Variants in PPP2R3B observed in about 807,000 individuals in gnomAD.
PPP2R3B encodes protein phosphatase 2 regulatory subunit B''beta, also known as serine/threonine-protein phosphatase 2A regulatory subunit B'' subunit beta.
Under a neutral mutation model 72.9 loss-of-function variants are expected in PPP2R3B, and 68 were observed. The observed-to-expected ratio is 0.93, with a 90% CI of 0.77 to 1.14. The LOEUF is 1.14. Among genes scored for constraint, PPP2R3B ranks in the 50% most tolerant of loss-of-function variants. The pLI, the probability that PPP2R3B is intolerant of heterozygous loss-of-function variation, is 0.00. For synonymous variants in PPP2R3B, 466 were observed against 375.8 expected (o/e 1.24, Z -2.78); for missense variants, 1,018 against 842.0 (o/e 1.21, Z -2.59).
At chrX:350,092 C>T (rs770001759) in intron 2 of PPP2R3B, among the ~76,000 whole-genome samples, 27 of 152,306 alleles carry the variant, frequency 1.8e-4, no homozygotes, top group Non-Finnish European at 2.9e-4. Flanking sequence ...TCCCACTGCC[C>T]GGTTTCAACC....
Position 370,048 on chromosome X carries a change from C to T in PPP2R3B, c.325-8458G>A, listed in dbSNP as rs1294170108. On this transcript the variant is annotated intron_variant, in intron 1 of 12. Transcript: ENST00000390665. Reference sequence around the variant, plus strand: ...ATTCTTCTCGGCCCAGCACTTGACTCCCAGGGACCCTCTGAGAGGGCTGGT... The same window carrying T: ...ATTCTTCTCGGCCCAGCACTTGACTTCCAGGGACCCTCTGAGAGGGCTGGT... Among the ~76,000 whole-genome samples the T allele has an allele frequency of 2.0e-5, 3 of 152,290 alleles. No homozygotes were observed. The East Asian group carries it at 5.8e-4, about 29-fold the overall frequency.
intron 1 of PPP2R3B, among the ~76,000 whole-genome samples, chrX:368,035 C>T (rs76354719): frequency 0.22 from 33,403 of 152,152 alleles, 4,012 homozygotes; most frequent in Non-Finnish European, 0.28. Flanking sequence ...AACGCAGCCT[C>T]GGCACTGATC....
At chrX:348,444 CG>C (rs1185015489) in intron 2 of PPP2R3B, among the ~76,000 whole-genome samples, 1 of 151,784 alleles carries the variant, frequency 6.6e-6, no homozygotes, top group Non-Finnish European at 1.5e-5. Flanking sequence ...GGCATGGTGG[CG>C]GGCGCCTGTA....
intron 2 of PPP2R3B, among the ~76,000 whole-genome samples, chrX:357,537 G>A (rs941590217): frequency 6.6e-6 from 1 of 152,176 alleles, no homozygotes; most frequent in Non-Finnish European, 1.5e-5. Context: ...AAAGGAACCG[G>A]AAATAAATGA....
chrX:370,949 C>G (rs1420600611), intron 1 of PPP2R3B, among the ~76,000 whole-genome samples: 1 of 152,124 alleles, frequency 6.6e-6, no homozygotes, highest in East Asian at 1.9e-4. Context: ...CGTGGGGACG[C>G]CGGACAGTGT....
chrX:344,434 G>C (rs1350013697), intron 7 of PPP2R3B, among the ~76,000 whole-genome samples: 2 of 152,248 alleles, frequency 1.3e-5, no homozygotes, highest in Non-Finnish European at 2.9e-5. Context: ...CGGTGTCCCT[G>C]GGACGCACGA....
At chrX:364,527 AAAAAAAACAG>A (rs1192300009) in intron 1 of PPP2R3B, among the ~76,000 whole-genome samples, 16 of 151,276 alleles carry the variant, frequency 1.1e-4, no homozygotes, top group Non-Finnish European at 2.1e-4. Flanking sequence ...AAAACAAAAA[AAAAAAAACAG>A]AAAACAAAAA....
intron 1 of PPP2R3B, among the ~76,000 whole-genome samples, chrX:381,353 A>T (rs2072119936): frequency 6.6e-6 from 1 of 152,122 alleles, no homozygotes; most frequent in Non-Finnish European, 1.5e-5. Flanking sequence ...AACGTAAAAC[A>T]ATGCCGTTCC....
chrX:380,679 G>A (rs2072103205), intron 1 of PPP2R3B, among the ~76,000 whole-genome samples: 1 of 151,580 alleles, frequency 6.6e-6, no homozygotes, highest in Admixed American at 6.6e-5. Context: ...CAGCTACTCG[G>A]GAGGCTGAGG....
rs1227473715 is a variant in PPP2R3B, at chrX:367,812, AG to A, written c.325-6223del. On this transcript the variant is annotated intron_variant, in intron 1 of 12. Coordinates refer to ENST00000390665, the MANE Select transcript of PPP2R3B (RefSeq NM_013239.5). ...GAGACACAGAGGACAGAAAGACAGGAGATATATGTGACTTAAGGACCCAGAG... is the reference window on the plus strand; with the variant it reads ...GAGACACAGAGGACAGAAAGACAGGAATATATGTGACTTAAGGACCCAGAG... Among the ~76,000 whole-genome samples the A allele has an allele frequency of 5.3e-3, 807 of 152,298 alleles. 11 individuals are homozygous for A. Among genetic ancestry groups the A allele is most frequent in the African/African-American group, 0.019 (771 of 41,558 alleles).
chrX:349,051 A>AATG (rs111939985), intron 2 of PPP2R3B, among the ~76,000 whole-genome samples: 5,404 of 152,166 alleles, frequency 0.036, 349 homozygotes, highest in African/African-American at 0.12. Context: ...TAATAATAAT[A>AATG]ATAGACCAGG....
chrX:386,814 G>C lies in PPP2R3B; in HGVS notation c.-123C>G. On this transcript the variant is annotated 5_prime_UTR_variant, in exon 1 of 13. Transcript: ENST00000390665. ...GCCCGCTGAGGGGGCGCGGCGCAGG[G>C]AACAGGGCCCGCGCCTCGGGAACTG... 1 of 480,030 alleles carries C rather than the reference G, an allele frequency of 2.1e-6. No individual in the cohort carries two copies. Among genetic ancestry groups the C allele is most frequent in the Non-Finnish European group, 3.0e-6 (1 of 337,462 alleles). The allele number at this position is 480,030 out of a possible 1,614,324, so 29.7% of individuals were successfully genotyped here.
chrX:366,470 G>T (rs868357690), intron 1 of PPP2R3B, among the ~76,000 whole-genome samples: 455 of 2,832 alleles, frequency 0.16, 8 homozygotes, highest in African/African-American at 0.22. Context: ...GAGGCGGAGG[G>T]TGCAGTGAGC....
At chrX:364,326 C>A (rs1318604649) in intron 1 of PPP2R3B, among the ~76,000 whole-genome samples, 3 of 151,924 alleles carry the variant, frequency 2.0e-5, no homozygotes, top group South Asian at 2.1e-4. Flanking sequence ...ACGGCTACAG[C>A]CGACTCTCCT....
chrX:384,373 A>T (rs1437782105), intron 1 of PPP2R3B, among the ~76,000 whole-genome samples: 3 of 150,444 alleles, frequency 2.0e-5, no homozygotes, highest in Non-Finnish European at 4.4e-5. Context: ...CTCAGCTCAC[A>T]GTAATCTCCG....
At chrX:380,538 C>T (rs1447838992) in intron 1 of PPP2R3B, among the ~76,000 whole-genome samples, 1 of 152,138 alleles carries the variant, frequency 6.6e-6, no homozygotes, top group East Asian at 1.9e-4. Context: ...GTCATCCCAG[C>T]ACTCTGGGAG....
rs1291661586 is a variant in PPP2R3B, at chrX:342,345, AGGCGGGAGTGAGACCTCAGCAACGG to A, written c.1037-439_1037-415del. 6 of 197,744 alleles carry A rather than the reference AGGCGGGAGTGAGACCTCAGCAACGG, an allele frequency of 3.0e-5. No homozygotes were observed. The East Asian group carries it at 7.3e-4, about 24-fold the overall frequency. 12.2% of individuals were successfully genotyped at this position (197,744 alleles called of 1,614,324 possible). On this transcript the variant is annotated intron_variant, in intron 7 of 12. Coordinates refer to ENST00000390665, the MANE Select transcript of PPP2R3B (RefSeq NM_013239.5). ...GCGGGAGTGAGACCTCAGCAACGGGAGGCGGGAGTGAGACCTCAGCAACGGGAGGCGGGAGTGAGACCTCAGCAAC... is the reference window on the plus strand; with the variant it reads ...GCGGGAGTGAGACCTCAGCAACGGGAGAGGCGGGAGTGAGACCTCAGCAAC...
At chrX:344,186 G>C (rs1299069172) in intron 7 of PPP2R3B, among the ~76,000 whole-genome samples, 5 of 91,224 alleles carry the variant, frequency 5.5e-5, no homozygotes, top group African/African-American at 1.1e-4. Flanking sequence ...AACGGGAGGC[G>C]GGAGTGAGAC....
chrX:346,454 C>A, intron 5 of PPP2R3B, 194 bp from the exon 6 acceptor site: 1 of 639,740 alleles, frequency 1.6e-6, no homozygotes, highest in Non-Finnish European at 2.6e-6. Context: ...AGGGTCTGGC[C>A]GGGGACGCCC....
Sources: gnomAD v4.1 joint callset for allele counts (sites outside exome capture counted in the v4.1 genomes callset) on GRCh38, gnomAD v4.1.1 for gene constraint, MANE v1.5 for transcripts, NCBI Gene and HGNC (gene_info 2026-07-23, HGNC 2026-07-21) for gene names.